RALYL: variants seen among roughly 807,000 people sequenced by gnomAD.
RALYL encodes RALY RNA binding protein like.
Under a neutral mutation model 35.1 loss-of-function variants are expected in RALYL, and 29 were observed. That is an observed-to-expected ratio of 0.83 (90% CI 0.61 to 1.13). RALYL has a LOEUF of 1.13. RALYL is among the 50% of genes most tolerant of loss of function. The pLI, the probability that RALYL is intolerant of heterozygous loss-of-function variation, is 0.00. For missense variants in RALYL, 359 were observed against 360.4 expected, an observed-to-expected ratio of 1.00 and a Z score of 0.03; for synonymous variants, 120 against 127.6, an observed-to-expected ratio of 0.94 and a Z score of 0.40.
At chr8:84,184,981 C>T (rs1359774617) in intron 1 of RALYL, 11 of 1,613,904 alleles carry the variant, frequency 6.8e-6, no homozygotes, top group South Asian at 2.2e-5. Context: ...CGCTCAACTC[C>T]TGCTCCTCCT....
intron 8 of RALYL, among the ~76,000 whole-genome samples, chr8:84,903,779 T>G (rs1310643184): frequency 2.6e-5 from 4 of 152,168 alleles, no homozygotes; most frequent in African/African-American, 9.7e-5. Context: ...GGCAAACAAG[T>G]CTTTCCCGTC....
intron 1 of RALYL, among the ~76,000 whole-genome samples, chr8:84,195,858 G>A (rs1815147314): frequency 6.6e-6 from 1 of 152,180 alleles, no homozygotes; most frequent in Admixed American, 6.5e-5. Flanking sequence ...GAAATTTTGA[G>A]GAAAATAGGA....
intron 1 of RALYL, among the ~76,000 whole-genome samples, chr8:84,404,871 A>G (rs921614332): frequency 5.9e-5 from 9 of 152,112 alleles, no homozygotes; most frequent in African/African-American, 1.9e-4. Flanking sequence ...GACCTAATAG[A>G]CATTTATAGA....
intron 1 of RALYL, among the ~76,000 whole-genome samples, chr8:84,494,403 A>G (rs1264207596): frequency 1.3e-5 from 2 of 152,122 alleles, no homozygotes; most frequent in Admixed American, 1.3e-4. Flanking sequence ...TGGGTTCCAT[A>G]TGAATTTTAA....
At chr8:84,623,956 A>C (rs1007597018) in intron 2 of RALYL, among the ~76,000 whole-genome samples, 2 of 152,166 alleles carry the variant, frequency 1.3e-5, no homozygotes, top group Non-Finnish European at 2.9e-5. Context: ...GGGAGATGAG[A>C]TACTTCTCTT....
At chr8:84,570,729 G>A (rs1041918527) in intron 2 of RALYL, among the ~76,000 whole-genome samples, 6 of 151,818 alleles carry the variant, frequency 4.0e-5, no homozygotes, top group African/African-American at 1.5e-4. Flanking sequence ...ATTTGCCATG[G>A]ATGGCTCTTA....
chr8:84,406,269 T>C lies in RALYL; in HGVS notation c.-23-123030T>C, dbSNP rs2043486651. Among the ~76,000 whole-genome samples the C allele has an allele frequency of 2.6e-5, 4 of 152,078 alleles. No individual in the cohort carries two copies. The South Asian group carries it at 8.3e-4, about 31-fold the overall frequency. ...TAGCCAGAATTCTGTATGTAATATA[T>C]CTAAGTGTTATATATGTATGCATAT... is the stretch of plus-strand genomic sequence containing the variant. On this transcript the variant is annotated intron_variant, in intron 1 of 8. Transcript: ENST00000521268.
At chr8:84,309,147 A>T (rs1842316149) in intron 1 of RALYL, among the ~76,000 whole-genome samples, 1 of 151,430 alleles carries the variant, frequency 6.6e-6, no homozygotes, top group South Asian at 2.1e-4. Flanking sequence ...TAAGTAAAAA[A>T]CTTTAATTTG....
At chr8:84,735,484 C>G (rs987406428) in intron 2 of RALYL, among the ~76,000 whole-genome samples, 1 of 151,860 alleles carries the variant, frequency 6.6e-6, no homozygotes, top group African/African-American at 2.4e-5. Context: ...TCACCTCCAC[C>G]CCAGCAGCAG....
chr8:84,410,211 A>T (rs575849118), intron 1 of RALYL, among the ~76,000 whole-genome samples: 2 of 152,046 alleles, frequency 1.3e-5, no homozygotes, highest in African/African-American at 2.4e-5. Context: ...GTTCACAGTA[A>T]TGTAGGAGAA....
intron 2 of RALYL, among the ~76,000 whole-genome samples, chr8:84,549,279 A>C (rs1313862022): frequency 6.6e-6 from 1 of 152,204 alleles, no homozygotes; most frequent in African/African-American, 2.4e-5. Flanking sequence ...TCAACCCTTT[A>C]ATCACTTACT....
At chr8:84,666,177 A>G (rs1831994994) in intron 2 of RALYL, among the ~76,000 whole-genome samples, 1 of 151,980 alleles carries the variant, frequency 6.6e-6, no homozygotes, top group Non-Finnish European at 1.5e-5. Context: ...CTTTAAGTAT[A>G]TTTCTAACCA....
chr8:84,261,129 C>A (rs1554593113), intron 1 of RALYL, among the ~76,000 whole-genome samples: 1 of 148,326 alleles, frequency 6.7e-6, no homozygotes, highest in Non-Finnish European at 1.5e-5. Context: ...ATAATTTACT[C>A]TTTGATTAAT....
chr8:84,484,231 G>A (rs1203311461), intron 1 of RALYL, among the ~76,000 whole-genome samples: 1 of 152,048 alleles, frequency 6.6e-6, no homozygotes, highest in East Asian at 1.9e-4. Context: ...TATTTATTGA[G>A]TGTGTCTGCT....
At chr8:84,484,915 T>C (rs2054446753) in intron 1 of RALYL, among the ~76,000 whole-genome samples, 1 of 152,288 alleles carries the variant, frequency 6.6e-6, no homozygotes, top group South Asian at 2.1e-4. Flanking sequence ...ACCATAATAA[T>C]GCTTAGCAGC....
chr8:84,790,943 G>A (rs898845701), intron 3 of RALYL, among the ~76,000 whole-genome samples: 3 of 152,124 alleles, frequency 2.0e-5, no homozygotes, highest in South Asian at 2.1e-4. Flanking sequence ...ATAATTCACC[G>A]TGTACTGAGA....
rs558372076 is a variant in RALYL, at chr8:84,310,029, T to C, written c.-24+125605T>C. ...GGCGTGAGCCACAGCACCTAGCTGC[T>C]AAGTGTTTTCTTTTTTCTTTTTTTT... On this transcript the variant is annotated intron_variant, in intron 1 of 8. Coordinates refer to ENST00000521268, the MANE Select transcript of RALYL (RefSeq NM_173848.7). Among the ~76,000 whole-genome samples the C allele has an allele frequency of 7.8e-4, 118 of 152,080 alleles. 3 individuals are homozygous for C. The South Asian group carries it at 0.022, about 28-fold the overall frequency.
chr8:84,404,868 T>C (rs975798677), intron 1 of RALYL, among the ~76,000 whole-genome samples: 2 of 152,034 alleles, frequency 1.3e-5, no homozygotes, highest in South Asian at 2.1e-4. Flanking sequence ...TTGGACCTAA[T>C]AGACATTTAT....
intron 2 of RALYL, among the ~76,000 whole-genome samples, chr8:84,713,818 A>T (rs1842554763): frequency 6.6e-6 from 1 of 151,628 alleles, no homozygotes; most frequent in South Asian, 2.1e-4. Flanking sequence ...AAAAGTCAAG[A>T]TTGGAATCAA....
Sources: allele counts gnomAD v4.1 joint callset (sites outside exome capture counted in the v4.1 genomes callset), GRCh38; gene constraint gnomAD v4.1.1; transcripts MANE v1.5; gene names NCBI Gene and HGNC (gene_info 2026-07-23, HGNC 2026-07-21).